PIK3CB: variants seen among roughly 807,000 people sequenced by gnomAD.
PIK3CB encodes phosphatidylinositol-4,5-bisphosphate 3-kinase catalytic subunit beta, also known as phosphatidylinositol 4,5-bisphosphate 3-kinase catalytic subunit beta isoform.
PIK3CB carries 39 observed loss-of-function variants against 136.8 expected under a neutral mutation model. That is an observed-to-expected ratio of 0.29 (90% CI 0.22 to 0.37). The LOEUF (loss-of-function observed/expected upper bound fraction) is 0.37. Ranked by LOEUF, PIK3CB falls within the 10% of genes least tolerant of loss-of-function variation. The pLI, the probability that PIK3CB is intolerant of heterozygous loss-of-function variation, is 1.00. For synonymous variants in PIK3CB, 428 were observed against 436.6 expected (o/e 0.98, Z 0.25); for missense variants, 868 against 1,275.4 (o/e 0.68, Z 4.87).
chr3:138,754,917 T>A (rs779039100), intron 4 of PIK3CB, among the ~76,000 whole-genome samples: 1 of 152,200 alleles, frequency 6.6e-6, no homozygotes, highest in Non-Finnish European at 1.5e-5. Context: ...CCTTTTGTAG[T>A]TCCTAATTCA....
chr3:138,689,696 G>T (rs1254938214), intron 15 of PIK3CB, among the ~76,000 whole-genome samples: 3 of 152,188 alleles, frequency 2.0e-5, no homozygotes, highest in African/African-American at 7.2e-5. Flanking sequence ...AAGTTCAAAA[G>T]CTATGATATT....
At chr3:138,670,934 T>C (rs1271977307) in intron 19 of PIK3CB, among the ~76,000 whole-genome samples, 3 of 152,110 alleles carry the variant, frequency 2.0e-5, no homozygotes, top group African/African-American at 4.8e-5. Flanking sequence ...TGGAAAAACC[T>C]AAAAATAAAA....
intron 22 of PIK3CB, chr3:138,657,431 T>G: frequency 5.7e-6 from 2 of 348,328 alleles, no homozygotes; most frequent in East Asian, 5.9e-5. Flanking sequence ...TTTCAGAGAA[T>G]GTTCTGAAAC....
chr3:138,794,093 G>A (rs996283202), intron 2 of PIK3CB, among the ~76,000 whole-genome samples: 3 of 152,092 alleles, frequency 2.0e-5, no homozygotes, highest in African/African-American at 7.2e-5. Flanking sequence ...CTCTCAAGTA[G>A]CTGGGATTAC....
rs72990561 is a variant in PIK3CB, at chr3:138,766,923, C to T, written c.-16-7564G>A. ...GACTGGCTGTCAAACTTTGTAAACA[C>T]TCTAAGGAGATATATAGTATTAAGC... is the stretch of plus-strand genomic sequence containing the variant. On this transcript the variant is annotated intron_variant, in intron 2 of 23. Transcript: ENST00000674063. Among the ~76,000 whole-genome samples the T allele has an allele frequency of 3.7e-3, 563 of 152,288 alleles. 3 individuals carry two copies. Among genetic ancestry groups the T allele is most frequent in the African/African-American group, 0.013 (538 of 41,554 alleles).
chr3:138,693,115 G>T (rs9864176), intron 14 of PIK3CB, among the ~76,000 whole-genome samples: 1 of 152,024 alleles, frequency 6.6e-6, no homozygotes, highest in East Asian at 1.9e-4. Flanking sequence ...TATTTTTTGA[G>T]ACAGGGTCTC....
chr3:138,687,599 A>G (rs753090239), intron 16 of PIK3CB, among the ~76,000 whole-genome samples: 1 of 152,080 alleles, frequency 6.6e-6, no homozygotes, highest in Non-Finnish European at 1.5e-5. Flanking sequence ...CCTCTCAAGT[A>G]GCTGGGACTA....
chr3:138,801,467 A>G (rs996191099), intron 1 of PIK3CB, among the ~76,000 whole-genome samples: 6 of 152,178 alleles, frequency 3.9e-5, no homozygotes, highest in Non-Finnish European at 7.3e-5. Context: ...GCAGTGGCTC[A>G]TGCCTGTAAT....
At position 138,788,993 on chromosome 3, in the gene PIK3CB, C is replaced by CAAAAAAAA. The variant is rs1259578840; in HGVS notation, c.-17+7469_-17+7470insTTTTTTTT. ...AAAAAAAAAAAAAAAAAAAAAAAAACAAAAAACAACACCACAGAGTTTTTT... is the reference window on the plus strand; with the variant it reads ...AAAAAAAAAAAAAAAAAAAAAAAAACAAAAAAAAAAAAAACAACACCACAGAGTTTTTT... On this transcript the variant is annotated intron_variant, in intron 2 of 23. Transcript: ENST00000674063. Among the ~76,000 whole-genome samples, 42 of 94,058 alleles carry CAAAAAAAA rather than the reference C, an allele frequency of 4.5e-4. 1 individual carries two copies. The highest frequency in any genetic ancestry group is 1.6e-3 in the African/African-American group (38 of 23,970). The allele number at this position is 94,058 out of a possible 152,430, so 61.7% of individuals were successfully genotyped here. A position where few individuals can be genotyped will look rare whatever the true frequency, so the allele number is the denominator to read the frequency against.
chr3:138,780,297 C>A lies in PIK3CB; in HGVS notation c.-17+16166G>T, dbSNP rs35418202. ...TGTTTTTTTTGTTTTTTTGAGACGGCGTCTTGCTCTGTTGCCAGGCTGGAG... is the reference window on the plus strand; with the variant it reads ...TGTTTTTTTTGTTTTTTTGAGACGGAGTCTTGCTCTGTTGCCAGGCTGGAG... On this transcript the variant is annotated intron_variant, in intron 2 of 23. Transcript: ENST00000674063. 7.5e-3 allele frequency among the ~76,000 whole-genome samples: 1,131 copies of A among 150,874 alleles called. 24 individuals are homozygous for A. Among genetic ancestry groups the A allele is most frequent in the African/African-American group, 0.025 (1,045 of 41,060 alleles).
At chr3:138,734,575 G>A in intron 7 of PIK3CB, 59 bp downstream of exon 7, 1 of 1,298,806 alleles carries the variant, frequency 7.7e-7, no homozygotes, top group Non-Finnish European at 1.1e-6. Context: ...TGAAACTTAT[G>A]TAAACTAACA....
At chr3:138,820,634 C>T (rs996088361) in intron 1 of PIK3CB, among the ~76,000 whole-genome samples, 6 of 152,126 alleles carry the variant, frequency 3.9e-5, no homozygotes, top group African/African-American at 1.4e-4. Context: ...GTTCAGATTA[C>T]AAGTGCGCAC....
At chr3:138,663,397 T>C (rs1276129414) in intron 21 of PIK3CB, among the ~76,000 whole-genome samples, 1 of 152,224 alleles carries the variant, frequency 6.6e-6, no homozygotes, top group Non-Finnish European at 1.5e-5. Flanking sequence ...TAATTTTTTT[T>C]TGAGATGGAG....
chr3:138,759,363 G>A lies in PIK3CB; in HGVS notation c.-16-4C>T, dbSNP rs1276811283. On this transcript the variant is annotated splice_region_variant and splice_polypyrimidine_tract_variant and intron_variant, in intron 2 of 23. Transcript: ENST00000674063. ...GCACATTCATAACCACGGGGCCCTA[G>A]AAATCAGTAATTAAAACATAGCAAA... The A allele has an allele frequency of 1.3e-6, 2 of 1,583,856 alleles. No homozygotes were observed. The highest frequency in any genetic ancestry group is 2.2e-5 in the East Asian group (1 of 44,542).
intron 5 of PIK3CB, among the ~76,000 whole-genome samples, chr3:138,742,131 G>A (rs966810007): frequency 1.3e-5 from 2 of 152,250 alleles, no homozygotes; most frequent in South Asian, 2.1e-4. Context: ...TTCCAATAAG[G>A]AACACTATCT....
At chr3:138,718,942 C>G (rs2044669238) in intron 8 of PIK3CB, among the ~76,000 whole-genome samples, 1 of 152,016 alleles carries the variant, frequency 6.6e-6, no homozygotes, top group Non-Finnish European at 1.5e-5. Context: ...TTAAAACAAC[C>G]ATTTGGGTTT....
chr3:138,738,564 TA>T (rs56896325), intron 5 of PIK3CB, among the ~76,000 whole-genome samples: 75,549 of 152,028 alleles, frequency 0.5, 21,043 homozygotes, highest in East Asian at 0.98. Context: ...AATTAAACCA[TA>T]AATTAGCAAT....
chr3:138,693,951 AT>A (rs2044068559), intron 14 of PIK3CB, among the ~76,000 whole-genome samples: 1 of 39,376 alleles, frequency 2.5e-5, no homozygotes, highest in Non-Finnish European at 4.0e-5. Flanking sequence ...ATATATATAT[AT>A]ATATATATAT....
intron 21 of PIK3CB, 84 bp downstream of exon 21, chr3:138,663,822 T>A (rs1374381525): frequency 1.5e-6 from 2 of 1,362,942 alleles, no homozygotes; most frequent in Non-Finnish European, 2.0e-6. Context: ...CACAAAAGAA[T>A]CTGGCTGAGT....
Sources: gnomAD v4.1 joint callset for allele counts (sites outside exome capture counted in the v4.1 genomes callset) on GRCh38, gnomAD v4.1.1 for gene constraint, MANE v1.5 for transcripts, NCBI Gene and HGNC (gene_info 2026-07-23, HGNC 2026-07-21) for gene names.